EDIL3: variants seen among roughly 807,000 people sequenced by gnomAD.
The protein encoded by EDIL3 is EGF-like repeat and discoidin I-like domain-containing protein 3.
A neutral mutation model predicts 67.4 loss-of-function variants in EDIL3; 37 were observed. That is an observed-to-expected ratio of 0.55 (90% confidence interval 0.42 to 0.72). The LOEUF is 0.72. Ranked by LOEUF, EDIL3 falls within the 30% of genes least tolerant of loss-of-function variation. EDIL3 has a pLI of 0.00. For synonymous variants in EDIL3, 195 were observed against 196.3 expected, an observed-to-expected ratio of 0.99 and a Z score of 0.05; for missense variants, 527 against 586.3, an observed-to-expected ratio of 0.90 and a Z score of 1.04.
chr5:84,127,166 A>G (rs1343727730), intron 5 of EDIL3, among the ~76,000 whole-genome samples: 4 of 152,086 alleles, frequency 2.6e-5, no homozygotes, highest in Admixed American at 6.6e-5. Context: ...GCTTCCTTAT[A>G]TAACTATAGT....
intron 9 of EDIL3, among the ~76,000 whole-genome samples, chr5:84,023,537 T>C (rs961105246): frequency 7.9e-5 from 12 of 152,110 alleles, no homozygotes; most frequent in Non-Finnish European, 1.5e-4. Flanking sequence ...TATTTTAGCA[T>C]ATATGTTTCT....
At chr5:83,943,743 CAATT>C (rs1489952986) in intron 10 of EDIL3, among the ~76,000 whole-genome samples, 175 bp from the exon 11 acceptor site, 1 of 151,874 alleles carries the variant, frequency 6.6e-6, no homozygotes, top group Admixed American at 6.6e-5. Context: ...ATTAAATGGT[CAATT>C]AATGTTTAAA....
chr5:84,223,631 T>C (rs1744393073), intron 3 of EDIL3, among the ~76,000 whole-genome samples: 1 of 151,474 alleles, frequency 6.6e-6, no homozygotes, highest in African/African-American at 2.4e-5. Flanking sequence ...GTGTAAGGAA[T>C]GGGGGAAATA....
intron 6 of EDIL3, among the ~76,000 whole-genome samples, chr5:84,083,121 T>C (rs138903419): frequency 0.013 from 1,962 of 152,316 alleles, 33 homozygotes; most frequent in Admixed American, 0.034. Flanking sequence ...GTTTAAATAT[T>C]TAATTATTTT....
chr5:84,371,364 T>C (rs966048862), intron 1 of EDIL3, among the ~76,000 whole-genome samples: 1 of 143,132 alleles, frequency 7.0e-6, no homozygotes, highest in African/African-American at 2.5e-5. Flanking sequence ...TATATATGTG[T>C]GTATATATGT....
At chr5:84,305,411 C>T (rs1334508096) in intron 1 of EDIL3, among the ~76,000 whole-genome samples, 2 of 152,116 alleles carry the variant, frequency 1.3e-5, no homozygotes, top group Non-Finnish European at 2.9e-5. Flanking sequence ...GTAATCACTC[C>T]CAAAGGCTCA....
intron 3 of EDIL3, among the ~76,000 whole-genome samples, chr5:84,220,560 G>T (rs141975956): frequency 5.2e-4 from 79 of 152,228 alleles, no homozygotes; most frequent in Middle Eastern, 3.4e-3. Flanking sequence ...GTGAAAAAGA[G>T]ATGTTATGAC....
chr5:83,952,825 C>T (rs1032358642), intron 10 of EDIL3, among the ~76,000 whole-genome samples: 1 of 151,856 alleles, frequency 6.6e-6, no homozygotes, highest in African/African-American at 2.4e-5. Flanking sequence ...CATTAGGAGA[C>T]TTTTCCTCAC....
At chr5:84,181,379 C>G (rs1221857891) in intron 3 of EDIL3, 1 of 152,190 alleles carries the variant, frequency 6.6e-6, no homozygotes, top group Non-Finnish European at 1.5e-5. Context: ...AAACTAAATA[C>G]CAAAGGGGCA....
At chr5:84,242,011 G>A (rs1026443968) in intron 2 of EDIL3, among the ~76,000 whole-genome samples, 1 of 147,980 alleles carries the variant, frequency 6.8e-6, no homozygotes, top group African/African-American at 2.5e-5. Flanking sequence ...ACGAAGTCAG[G>A]AGATCGAGAC....
intron 9 of EDIL3, among the ~76,000 whole-genome samples, chr5:84,057,340 T>G (rs1361585808): frequency 6.6e-6 from 1 of 152,120 alleles, no homozygotes; most frequent in Admixed American, 6.5e-5. Context: ...AATATGCCAT[T>G]TGCAATCCCT....
intron 5 of EDIL3, among the ~76,000 whole-genome samples, chr5:84,125,124 C>T (rs1747844842): frequency 6.6e-6 from 1 of 151,760 alleles, no homozygotes; most frequent in Non-Finnish European, 1.5e-5. Context: ...GACAGAGGGG[C>T]CAGAAACCCG....
chr5:84,341,304 A>C (rs1488644645), intron 1 of EDIL3, among the ~76,000 whole-genome samples: 2 of 152,172 alleles, frequency 1.3e-5, no homozygotes, highest in East Asian at 3.9e-4. Flanking sequence ...TACTGTGTGC[A>C]ATGTTCTAGA....
At chr5:84,278,262 G>A (rs1745627352) in intron 1 of EDIL3, among the ~76,000 whole-genome samples, 1 of 151,450 alleles carries the variant, frequency 6.6e-6, no homozygotes, top group Non-Finnish European at 1.5e-5. Flanking sequence ...TTCCTCTCTT[G>A]TGTTTCACTG....
intron 1 of EDIL3, among the ~76,000 whole-genome samples, chr5:84,268,176 T>A (rs1229870462): frequency 1.3e-5 from 2 of 151,874 alleles, no homozygotes; most frequent in East Asian, 3.9e-4. Flanking sequence ...ACAATAATAA[T>A]TTGGCCAAAA....
chr5:84,148,629 A>G (rs1748329158), intron 4 of EDIL3, among the ~76,000 whole-genome samples: 1 of 152,050 alleles, frequency 6.6e-6, no homozygotes, highest in East Asian at 1.9e-4. Context: ...CTGGGTGGCT[A>G]GATTTCCCTC....
chr5:84,101,268 A>C (rs567550015), intron 6 of EDIL3, among the ~76,000 whole-genome samples: 3 of 152,114 alleles, frequency 2.0e-5, no homozygotes. Context: ...TAAAGTTCTG[A>C]CAACTTGGAT....
At chr5:84,219,038 G>A (rs1261057712) in intron 3 of EDIL3, among the ~76,000 whole-genome samples, 1 of 152,180 alleles carries the variant, frequency 6.6e-6, no homozygotes, top group Non-Finnish European at 1.5e-5. Flanking sequence ...GGTTACTGTG[G>A]GCCTTGAGTG....
intron 6 of EDIL3, among the ~76,000 whole-genome samples, chr5:84,080,315 A>AAAAAAAAAAAAAAAAAAAAAAAAAAAC: frequency 6.7e-6 from 1 of 149,222 alleles, no homozygotes; most frequent in African/African-American, 2.5e-5. Context: ...AAAAAAAAAA[A>AAAAAAAAAAAAAAAAAAAAAAAAAAAC]ATTAACTCAA....
Sources: allele counts gnomAD v4.1 joint callset (sites outside exome capture counted in the v4.1 genomes callset), GRCh38; gene constraint gnomAD v4.1.1; transcripts MANE v1.5; gene names NCBI Gene and HGNC (gene_info 2026-07-23, HGNC 2026-07-21).